The following AMBRA1 variants were observed in gnomAD, a reference collection of about 807,000 sequenced individuals.
AMBRA1 encodes activating molecule in BECN1-regulated autophagy protein 1.
In AMBRA1, 47 loss-of-function variants were observed where a neutral mutation model predicts 125.4. The observed-to-expected ratio is 0.37, with a 90% CI of 0.30 to 0.48. The LOEUF (loss-of-function observed/expected upper bound fraction) is 0.48. AMBRA1 is among the 20% of genes least tolerant of loss of function. The pLI is 0.99. For synonymous variants in AMBRA1, 626 were observed against 655.5 expected (o/e 0.95, Z 0.69); for missense variants, 1,331 against 1,693.4 (o/e 0.79, Z 3.76).
chr11:46,413,566 C>T (rs772168898), intron 15 of AMBRA1, among the ~76,000 whole-genome samples: 1 of 152,000 alleles, frequency 6.6e-6, no homozygotes, highest in Non-Finnish European at 1.5e-5. Flanking sequence ...TCTCGGCTCA[C>T]TGCAACCTCA....
chr11:46,445,071 CAAA>C (rs11386442), intron 11 of AMBRA1, among the ~76,000 whole-genome samples: 3 of 89,826 alleles, frequency 3.3e-5, no homozygotes, highest in African/African-American at 1.2e-4. Context: ...AAAAGAAAAA[CAAA>C]AAAAAAAAAA....
rs546288037 is a variant in AMBRA1 at position 46,434,631 on chromosome 11, G to A, written c.2821+218C>T. Among the ~76,000 whole-genome samples the A allele has an allele frequency of 9.9e-5, 15 of 152,214 alleles. No individual in the cohort carries two copies. The South Asian group carries it at 1.7e-3, about 17-fold the overall frequency. On this transcript the variant is annotated intron_variant, in intron 13 of 17. Coordinates refer to ENST00000683756, the MANE Select transcript of AMBRA1 (RefSeq NM_001387011.1). ...ACCACCTCCTCCCTTATTCCTGACC[G>A]TCGTAACAGGGGCATGCGGTAGGAC...
At chr11:46,511,693 G>A (rs929435794) in intron 8 of AMBRA1, among the ~76,000 whole-genome samples, 5 of 152,150 alleles carry the variant, frequency 3.3e-5, no homozygotes, top group Admixed American at 6.5e-5. Flanking sequence ...AACAGAATCC[G>A]TAAATCTGGC....
At chr11:46,528,905 C>G (rs1004632101) in intron 7 of AMBRA1, among the ~76,000 whole-genome samples, 1 of 152,140 alleles carries the variant, frequency 6.6e-6, no homozygotes. Flanking sequence ...TGGGCTACCT[C>G]TGTGTAGGGG....
chr11:46,573,659 TTTTC>T (rs1366342655), intron 1 of AMBRA1, among the ~76,000 whole-genome samples: 1 of 137,778 alleles, frequency 7.3e-6, no homozygotes, highest in Non-Finnish European at 1.6e-5. Flanking sequence ...GCAGAATCCT[TTTTC>T]TTTTTTTTTT....
At chr11:46,563,664 A>G (rs1591132775) in intron 1 of AMBRA1, among the ~76,000 whole-genome samples, 1 of 149,728 alleles carries the variant, frequency 6.7e-6, no homozygotes, top group East Asian at 2.0e-4. Flanking sequence ...ATGTAGTGAA[A>G]CCCCGTCTCT....
intron 14 of AMBRA1, among the ~76,000 whole-genome samples, chr11:46,427,976 T>C (rs1947235258): frequency 7.7e-6 from 1 of 129,034 alleles, no homozygotes; most frequent in South Asian, 2.4e-4. Flanking sequence ...GCCACTGCAC[T>C]CCTGCCTGGG....
chr11:46,574,440 G>A (rs1034774032), intron 1 of AMBRA1, among the ~76,000 whole-genome samples: 11 of 151,502 alleles, frequency 7.3e-5, no homozygotes, highest in Admixed American at 2.6e-4. Context: ...TTTTTCATGT[G>A]TTTTTTGGCT....
chr11:46,566,404 C>T (rs1408241247), intron 1 of AMBRA1, among the ~76,000 whole-genome samples: 1 of 149,120 alleles, frequency 6.7e-6, no homozygotes, highest in Non-Finnish European at 1.5e-5. Flanking sequence ...GGTGACACAG[C>T]GAGACTACAT....
At chr11:46,405,692 C>G (rs1465158775) in intron 17 of AMBRA1, among the ~76,000 whole-genome samples, 1 of 152,050 alleles carries the variant, frequency 6.6e-6, no homozygotes, top group East Asian at 1.9e-4. Context: ...TGCCACTGTA[C>G]TCCAGCCTGA....
intron 8 of AMBRA1, among the ~76,000 whole-genome samples, chr11:46,511,160 G>GA (rs1565234805): frequency 6.6e-6 from 1 of 152,176 alleles, no homozygotes; most frequent in Non-Finnish European, 1.5e-5. Context: ...CTGGGGATGA[G>GA]ATGCCTATTG....
In AMBRA1 at chr11:46,428,272, C is replaced by T. The variant is rs115851790; in HGVS notation, c.2976+5202G>A. 7.3e-3 allele frequency among the ~76,000 whole-genome samples: 1,105 copies of T among 152,220 alleles called. 13 individuals are homozygous for T. Among genetic ancestry groups the T allele is most frequent in the African/African-American group, 0.025 (1,047 of 41,522 alleles). ...ACGAACTATTGATTTGTCTGGGTAA[C>T]ACTCACTCAACTCTTGGCTACGGTT... On this transcript the variant is annotated intron_variant, in intron 14 of 17. Transcript: ENST00000683756.
intron 14 of AMBRA1, among the ~76,000 whole-genome samples, chr11:46,432,864 G>A (rs892903489): frequency 5.3e-5 from 8 of 152,208 alleles, no homozygotes; most frequent in African/African-American, 1.9e-4. Context: ...GACGTGGGAC[G>A]TTCACTCAGG....
chr11:46,534,807 G>A (rs188435638), intron 7 of AMBRA1, among the ~76,000 whole-genome samples: 1 of 152,236 alleles, frequency 6.6e-6, no homozygotes, highest in East Asian at 1.9e-4. Context: ...ACGAGTAGCT[G>A]GGACTACAGG....
intron 11 of AMBRA1, among the ~76,000 whole-genome samples, chr11:46,480,573 T>C (rs947364868): frequency 2.0e-5 from 3 of 152,214 alleles, no homozygotes; most frequent in Admixed American, 1.3e-4. Flanking sequence ...ATGTGTACCT[T>C]AAAAGCAACT....
intron 1 of AMBRA1, among the ~76,000 whole-genome samples, chr11:46,567,914 G>A (rs931336839): frequency 3.3e-5 from 5 of 152,096 alleles, no homozygotes; most frequent in Admixed American, 1.3e-4. Flanking sequence ...TTGAGAGGCC[G>A]AGGCAGGCGG....
chr11:46,433,501 C>G lies in AMBRA1; in HGVS notation c.2949G>C (p.Gln983His). ...HMVAQVFRLQ[Q>H]AHGGETSMRR... ...TCATGGAGGTCTCTCCACCATGGGCCTGTTGCAGCCTGAAGACCTGGGCCA... is the reference window on the plus strand; with the variant it reads ...TCATGGAGGTCTCTCCACCATGGGCGTGTTGCAGCCTGAAGACCTGGGCCA... Residue 983 changes from glutamine (Q) to histidine (H), a missense_variant, in exon 14 of 18, where the codon CAG (glutamine) becomes CAC (histidine). This residue lies in a region of AMBRA1 where 354 missense variants were observed against 532.7 expected (regional missense o/e 0.66). Transcript: ENST00000683756. The G allele has an allele frequency of 6.2e-7, 1 of 1,614,168 alleles. No individual in the cohort carries two copies. Among genetic ancestry groups the G allele is most frequent in the Non-Finnish European group, 8.5e-7 (1 of 1,180,010 alleles).
chr11:46,541,956 A>G lies in AMBRA1; in HGVS notation c.2061T>C (p.Asp687=). 1 of 1,609,072 alleles carries G rather than the reference A, an allele frequency of 6.2e-7. No homozygotes were observed. The highest frequency in any genetic ancestry group is 1.7e-4 in the Middle Eastern group (1 of 6,046). The change falls in exon 7 of 18, where the codon GAT becomes GAC. Residue 687 remains aspartate, a synonymous_variant. Transcript: ENST00000683756. ...AAGCGACTGCTTACCTCCTGAGTGA[A>G]TCCTCCTCAGAGCTCTCCTCAGGCA... ...QDMPEESSEE[D]SLRRRLLESS... is the part of the protein sequence containing the mutation.
rs541763893 is a variant in AMBRA1 at position 46,445,421 on chromosome 11, G to A, written c.2522-1823C>T. Among the ~76,000 whole-genome samples, 9 of 152,204 alleles carry A rather than the reference G, an allele frequency of 5.9e-5. No individual in the cohort carries two copies. The East Asian group carries it at 1.7e-3, about 29-fold the overall frequency. On this transcript the variant is annotated intron_variant, in intron 11 of 17. Coordinates refer to ENST00000683756, the MANE Select transcript of AMBRA1 (RefSeq NM_001387011.1). ...CAAATCTCTATTTGAGGTCCCTGTG[G>A]CGTATCATAAGATGAGGTAAATATA...
Sources: allele counts gnomAD v4.1 joint callset (sites outside exome capture counted in the v4.1 genomes callset), GRCh38; gene constraint gnomAD v4.1.1; regional missense constraint gnomAD v4.1.1; transcripts MANE v1.5; gene names NCBI Gene and HGNC (gene_info 2026-07-23, HGNC 2026-07-21).